The following CCDC134 variants were observed in gnomAD, a reference collection of about 807,000 sequenced individuals.
CCDC134 encodes coiled-coil domain containing 134.
Under a neutral mutation model 25.6 loss-of-function variants are expected in CCDC134, and 27 were observed. The ratio of observed to expected loss-of-function variants is 1.05; its 90% CI spans 0.78 to 1.45. The LOEUF is 1.45. Ranked by LOEUF, CCDC134 falls within the 40% of genes most tolerant of loss-of-function variation. The pLI is 0.00. For missense variants in CCDC134, 261 were observed against 286.7 expected, an observed-to-expected ratio of 0.91 and a Z score of 0.65; for synonymous variants, 110 against 115.0, an observed-to-expected ratio of 0.96 and a Z score of 0.28.
At chr22:41,821,315 CT>C (rs112791845) in intron 6 of CCDC134, among the ~76,000 whole-genome samples, 93 of 145,734 alleles carry the variant, frequency 6.4e-4, no homozygotes, top group South Asian at 1.1e-3. Flanking sequence ...GTTTTCCTTT[CT>C]TTTTTTTTTT....
chr22:41,805,001 TG>T (rs1323293013), intron 1 of CCDC134, among the ~76,000 whole-genome samples: 1 of 151,818 alleles, frequency 6.6e-6, no homozygotes, highest in Non-Finnish European at 1.5e-5. Flanking sequence ...ACCTGGGAGG[TG>T]GAGGTTGCAA....
chr22:41,809,220 G>C (rs933029576), intron 2 of CCDC134, among the ~76,000 whole-genome samples: 5 of 152,202 alleles, frequency 3.3e-5, no homozygotes, highest in Non-Finnish European at 2.9e-5. Flanking sequence ...GGCTCAGTGA[G>C]GACTGTGCAT....
chr22:41,809,386 T>C (rs538750768), intron 2 of CCDC134, among the ~76,000 whole-genome samples: 1 of 152,162 alleles, frequency 6.6e-6, no homozygotes, highest in Admixed American at 6.5e-5. Flanking sequence ...GAGGTGTCCA[T>C]AAGCCCAGGG....
chr22:41,816,223 A>C (rs2076622194), intron 6 of CCDC134, among the ~76,000 whole-genome samples: 1 of 152,196 alleles, frequency 6.6e-6, no homozygotes, highest in Non-Finnish European at 1.5e-5. Flanking sequence ...GATTTGAGTC[A>C]CCAGAACAAT....
Position 41,829,675 on chromosome 22 carries a change from C to T in CCDC134, c.*3852C>T, listed in dbSNP as rs1266526257. 2.0e-5 allele frequency among the ~76,000 whole-genome samples: 3 copies of T among 152,208 alleles called. No homozygotes were observed. Among genetic ancestry groups the T allele is most frequent in the Non-Finnish European group, 4.4e-5 (3 of 68,038 alleles). On this transcript the variant is annotated 3_prime_UTR_variant, in exon 7 of 7. Transcript: ENST00000255784. ...GAGGAAGTAAATGAAAAACCATATA[C>T]AAAATTATCTTCTGTGACCCGTAGC... is the stretch of plus-strand genomic sequence containing the variant.
chr22:41,807,757 C>G (rs1299030405), intron 1 of CCDC134, among the ~76,000 whole-genome samples: 1 of 152,090 alleles, frequency 6.6e-6, no homozygotes, highest in East Asian at 1.9e-4. Context: ...CATAGTGGCT[C>G]ACGCCTGTAA....
intron 6 of CCDC134, among the ~76,000 whole-genome samples, chr22:41,822,741 TA>T (rs2076658238): frequency 6.6e-6 from 1 of 152,138 alleles, no homozygotes; most frequent in Non-Finnish European, 1.5e-5. Flanking sequence ...CTCCCCGTCT[TA>T]AGTGGATCAG....
At position 41,825,960 on chromosome 22, in the gene CCDC134, C is replaced by G; in HGVS notation, c.*137C>G. The stretch of plus-strand genomic sequence containing the variant: ...GCCACATTTGCCCGGCCCCCTGGAG[C>G]TGGGTCTGAGCCCCAGCTGAAGGGA... On this transcript the variant is annotated 3_prime_UTR_variant, in exon 7 of 7. Coordinates refer to ENST00000255784, the MANE Select transcript of CCDC134 (RefSeq NM_024821.5). The surrounding 1 kb of genome is among the most constrained non-coding windows in gnomAD (Gnocchi z 4.4). The G allele has an allele frequency of 1.6e-6, 2 of 1,283,602 alleles. No individual in the cohort carries two copies. Among genetic ancestry groups the G allele is most frequent in the Non-Finnish European group, 2.2e-6 (2 of 924,950 alleles). The allele number at this position is 1,283,602 out of a possible 1,614,324, so 79.5% of individuals were successfully genotyped here.
rs775522013 is a variant in CCDC134, at chr22:41,813,375, GC to G, written c.423del (p.Trp142GlyfsTer23). 1 of 1,614,172 alleles carries G rather than the reference GC, an allele frequency of 6.2e-7. No homozygotes were observed. The highest frequency in any genetic ancestry group is 8.5e-7 in the Non-Finnish European group (1 of 1,180,034). On this transcript the variant is annotated frameshift_variant, in exon 5 of 7. Transcript: ENST00000255784. LOFTEE classifies it high-confidence loss of function. Reference protein sequence around the residue: ...DHNSNWNLLIRWGISFCNQTG... With the variant: ...DHNSNWNLLIXWGISFCNQTG... Reference sequence around the variant, plus strand: ...AACTCCAACTGGAACCTCCTCATCCGCTGGGGTATCAGTTTCTGCAACCAGA... The same window carrying G: ...AACTCCAACTGGAACCTCCTCATCCGTGGGGTATCAGTTTCTGCAACCAGA...
At chr22:41,810,078 A>G in intron 3 of CCDC134, 78 bp downstream of exon 3, 1 of 1,603,626 alleles carries the variant, frequency 6.2e-7, no homozygotes, top group Non-Finnish European at 8.5e-7. Context: ...GAGTTCCCTA[A>G]CGGGTTGGTG....
At chr22:41,819,568 G>C (rs2076638725) in intron 6 of CCDC134, among the ~76,000 whole-genome samples, 1 of 152,126 alleles carries the variant, frequency 6.6e-6, no homozygotes, top group African/African-American at 2.4e-5. Flanking sequence ...GTTCTCCTGG[G>C]AGTGGCATTC....
Position 41,808,971 on chromosome 22 carries a change from C to T in CCDC134, c.81C>T (p.Ser27=), listed in dbSNP as rs765525451. 7 of 1,613,912 alleles carry T rather than the reference C, an allele frequency of 4.3e-6. No homozygotes were observed. Among genetic ancestry groups the T allele is most frequent in the Non-Finnish European group, 5.9e-6 (7 of 1,179,936 alleles). The change falls in exon 2 of 7, where the codon TCC becomes TCT. Residue 27 remains serine (S), a synonymous_variant. Coordinates refer to ENST00000255784, the MANE Select transcript of CCDC134 (RefSeq NM_024821.5). ...GAGCCACAGGCACCTTGAGGACCTCCCTGGACCCAAGCCTGGAGATCTGTA... is the reference window on the plus strand; with the variant it reads ...GAGCCACAGGCACCTTGAGGACCTCTCTGGACCCAAGCCTGGAGATCTGTA... ...GMGATGTLRT[S]LDPSLEIYKK...
intron 1 of CCDC134, among the ~76,000 whole-genome samples, chr22:41,808,516 T>G (rs78742705): frequency 0.051 from 7,779 of 152,166 alleles, 630 homozygotes; most frequent in African/African-American, 0.18. Context: ...GGTGACCTCC[T>G]TATCCCTGTT....
Position 41,829,349 on chromosome 22 carries a change from G to A in CCDC134, c.*3526G>A, listed in dbSNP as rs370643979. 9.2e-5 allele frequency among the ~76,000 whole-genome samples: 14 copies of A among 152,220 alleles called. No homozygotes were observed. The highest frequency in any genetic ancestry group is 2.9e-4 in the African/African-American group (12 of 41,530). On this transcript the variant is annotated 3_prime_UTR_variant, in exon 7 of 7. Coordinates refer to ENST00000255784, the MANE Select transcript of CCDC134 (RefSeq NM_024821.5). ...GATTCTTCTTTCCTCACCTGCCCCC[G>A]TTTGCATGAAGTTTTTTATGGAGCT...
chr22:41,829,273 G>A lies in CCDC134; in HGVS notation c.*3450G>A, dbSNP rs922301896. On this transcript the variant is annotated 3_prime_UTR_variant, in exon 7 of 7. Transcript: ENST00000255784. ...CAGCTCCTTGAGGTGATTCTCTCAG[G>A]CTTGTTGTTGTAGTTCTCTGCTGTC... Among the ~76,000 whole-genome samples the A allele has an allele frequency of 1.3e-5, 2 of 152,082 alleles. No individual in the cohort carries two copies. Among genetic ancestry groups the A allele is most frequent in the African/African-American group, 4.8e-5 (2 of 41,404 alleles).
intron 1 of CCDC134, among the ~76,000 whole-genome samples, chr22:41,801,116 G>A (rs1419725696): frequency 6.6e-6 from 1 of 152,210 alleles, no homozygotes; most frequent in African/African-American, 2.4e-5. Context: ...TGTCCCGCAG[G>A]CTGCTGTTCT....
Position 41,807,157 on chromosome 22 carries a change from G to A in CCDC134, c.-16-1718G>A, listed in dbSNP as rs77715666. ...AAATGGAACAATTCAGACACATCAA[G>A]AAAAGCCCGAAGTACAGAATCAAGT... On this transcript the variant is annotated intron_variant, in intron 1 of 6. Coordinates refer to ENST00000255784, the MANE Select transcript of CCDC134 (RefSeq NM_024821.5). Among the ~76,000 whole-genome samples the A allele has an allele frequency of 1.2e-3, 179 of 152,298 alleles. 1 individual carries two copies. Among genetic ancestry groups the A allele is most frequent in the African/African-American group, 4.2e-3 (175 of 41,556 alleles).
intron 1 of CCDC134, among the ~76,000 whole-genome samples, chr22:41,806,471 C>T (rs540842031): frequency 2.0e-5 from 3 of 151,968 alleles, no homozygotes; most frequent in African/African-American, 7.2e-5. Context: ...CCGCCCACCT[C>T]GGCCTCCCAA....
At chr22:41,819,963 T>TATATATATA (rs57794600) in intron 6 of CCDC134, among the ~76,000 whole-genome samples, 2 of 82,620 alleles carry the variant, frequency 2.4e-5, no homozygotes, top group African/African-American at 1.2e-4. Flanking sequence ...ACTTACCACT[T>TATATATATA]TATATATATA....
Sources: gnomAD v4.1 joint callset for allele counts (sites outside exome capture counted in the v4.1 genomes callset) on GRCh38, gnomAD v4.1.1 for gene constraint, Gnocchi (gnomAD v3.1) non-coding constraint, MANE v1.5 for transcripts, NCBI Gene and HGNC (gene_info 2026-07-23, HGNC 2026-07-21) for gene names.